The following SSBP3 variants were observed in gnomAD, a reference collection of about 807,000 sequenced individuals.
SSBP3 encodes single stranded DNA binding protein 3.
SSBP3 carries 5 observed loss-of-function variants against 69.6 expected under a neutral mutation model. The observed-to-expected ratio is 0.07, with a 90% CI of 0.04 to 0.15. The LOEUF is 0.15. Ranked by LOEUF, SSBP3 falls within the 10% of genes least tolerant of loss-of-function variation. The probability of loss-of-function intolerance (pLI) is 1.00; values close to 1 mark genes in which losing one functional copy is unlikely to be tolerated. For synonymous variants in SSBP3, 196 were observed against 193.4 expected, an observed-to-expected ratio of 1.01 and a Z score of -0.11; for missense variants, 312 against 534.0, an observed-to-expected ratio of 0.58 and a Z score of 4.10.
chr1:54,385,113 G>A (rs994241978), intron 4 of SSBP3, among the ~76,000 whole-genome samples: 2 of 152,192 alleles, frequency 1.3e-5, no homozygotes, highest in Non-Finnish European at 2.9e-5. Context: ...ATCCCTAGAT[G>A]AGGCCTGAGC....
chr1:54,407,582 T>C (rs879115068), upstream of SSBP3, among the ~76,000 whole-genome samples: 1 of 151,730 alleles, frequency 6.6e-6, no homozygotes, highest in Non-Finnish European at 1.5e-5. Flanking sequence ...AGGGGAAGGC[T>C]CCCCCATTTT....
chr1:54,253,434 C>T (rs1028590248), intron 7 of SSBP3, among the ~76,000 whole-genome samples: 1 of 152,064 alleles, frequency 6.6e-6, no homozygotes, highest in Non-Finnish European at 1.5e-5. Context: ...TCAAGTGATC[C>T]TCCTGCCTCA....
intron 9 of SSBP3, among the ~76,000 whole-genome samples, chr1:54,249,008 G>T (rs530509809): frequency 6.6e-6 from 1 of 152,264 alleles, no homozygotes; most frequent in Admixed American, 6.5e-5. Flanking sequence ...TCTACCCCTT[G>T]TACACTGCTT....
chr1:54,277,677 CAAG>C (rs745735044), intron 5 of SSBP3, among the ~76,000 whole-genome samples: 3 of 152,176 alleles, frequency 2.0e-5, no homozygotes, highest in South Asian at 2.1e-4. Context: ...AAAAACAAAA[CAAG>C]AAGAAAAACA....
At chr1:54,333,981 A>T (rs1184563754) in intron 4 of SSBP3, among the ~76,000 whole-genome samples, 4 of 152,226 alleles carry the variant, frequency 2.6e-5, no homozygotes, top group African/African-American at 9.6e-5. Context: ...ACTTGAGCCC[A>T]GGAGTTTGAG....
intron 4 of SSBP3, among the ~76,000 whole-genome samples, chr1:54,316,805 T>C (rs887435807): frequency 1.3e-5 from 2 of 152,144 alleles, no homozygotes; most frequent in Admixed American, 6.5e-5. Context: ...TAGAAATGTA[T>C]TGCTCACAGT....
chr1:54,354,200 T>C (rs948254105), intron 4 of SSBP3, among the ~76,000 whole-genome samples: 1 of 152,256 alleles, frequency 6.6e-6, no homozygotes, highest in African/African-American at 2.4e-5. Flanking sequence ...CTGTCTGCTC[T>C]GCTTTCTGCA....
intron 4 of SSBP3, among the ~76,000 whole-genome samples, 178 bp downstream of exon 4, chr1:54,401,683 A>G (rs1649313558): frequency 6.6e-6 from 1 of 152,210 alleles, no homozygotes; most frequent in Admixed American, 6.5e-5. Flanking sequence ...ACCAAGTTAG[A>G]ACACTGCTGG....
chr1:54,302,265 CA>C (rs1645816435), intron 4 of SSBP3, among the ~76,000 whole-genome samples: 1 of 151,834 alleles, frequency 6.6e-6, no homozygotes, highest in Admixed American at 6.6e-5. Context: ...CAAGGCTGTG[CA>C]AAATGTATTC....
chr1:54,349,717 C>CAA (rs5774184), intron 4 of SSBP3, among the ~76,000 whole-genome samples: 267 of 138,792 alleles, frequency 1.9e-3, no homozygotes, highest in African/African-American at 5.1e-3. Flanking sequence ...GTGGATGGGC[C>CAA]AAAAAAAAAA....
chr1:54,269,550 T>G (rs3766426), intron 5 of SSBP3, among the ~76,000 whole-genome samples: 67,321 of 151,802 alleles, frequency 0.44, 15,421 homozygotes, highest in African/African-American at 0.54. Flanking sequence ...ATCTAGCGAA[T>G]CGGAACTTAG....
At chr1:54,334,289 T>C (rs1427675558) in intron 4 of SSBP3, among the ~76,000 whole-genome samples, 1 of 145,206 alleles carries the variant, frequency 6.9e-6, no homozygotes, top group Non-Finnish European at 1.5e-5. Flanking sequence ...GAGGCGGAGG[T>C]TGAAGTGAGC....
rs748912319 is a variant in SSBP3 at position 54,304,714 on chromosome 1, AG to A, written c.277-23188del. Among the ~76,000 whole-genome samples, 4 of 152,190 alleles carry A rather than the reference AG, an allele frequency of 2.6e-5. No homozygotes were observed. The East Asian group carries it at 5.8e-4, about 22-fold the overall frequency. ...AGACCCCAGAATGTTTTGCTAGACA[AG>A]GAACACTGCTGGTGCAAGGCTGAGG... On this transcript the variant is annotated intron_variant, in intron 4 of 17. Transcript: ENST00000610401.
intron 4 of SSBP3, among the ~76,000 whole-genome samples, chr1:54,378,015 A>G (rs1358018920): frequency 1.3e-5 from 2 of 152,130 alleles, no homozygotes; most frequent in East Asian, 1.9e-4. Context: ...CGGCCTCAAC[A>G]CAGCACAAAT....
intron 4 of SSBP3, among the ~76,000 whole-genome samples, chr1:54,368,272 GA>G (rs1393236093): frequency 8.3e-6 from 1 of 120,768 alleles, no homozygotes; most frequent in East Asian, 2.5e-4. Context: ...CACTCCAGCA[GA>G]ACGAGACTCC....
intron 4 of SSBP3, among the ~76,000 whole-genome samples, chr1:54,306,153 A>ACTATCCC (rs1645897431): frequency 6.6e-6 from 1 of 151,884 alleles, no homozygotes; most frequent in Non-Finnish European, 1.5e-5. Context: ...AAGCACCCCT[A>ACTATCCC]CTATCCCCTA....
intron 3 of SSBP3, 123 bp downstream of exon 3, chr1:54,404,453 C>G: frequency 8.3e-7 from 1 of 1,205,494 alleles, no homozygotes; most frequent in Non-Finnish European, 1.2e-6. Context: ...CGAGGTGCCC[C>G]GCTCTGTGCA....
chr1:54,228,261 G>T, exon 17 of SSBP3: 7 of 1,613,980 alleles, frequency 4.3e-6, no homozygotes, highest in Non-Finnish European at 5.9e-6. Context: ...TTACATTGTC[G>T]TTCTGAAAGG....
At chr1:54,336,982 A>G (rs1358404679) in intron 4 of SSBP3, among the ~76,000 whole-genome samples, 1 of 152,212 alleles carries the variant, frequency 6.6e-6, no homozygotes, top group Non-Finnish European at 1.5e-5. Context: ...AGGAATGCAC[A>G]CAGAGGTGGA....
Sources: allele counts gnomAD v4.1 joint callset (sites outside exome capture counted in the v4.1 genomes callset), GRCh38; gene constraint gnomAD v4.1.1; transcripts MANE v1.5; gene names NCBI Gene and HGNC (gene_info 2026-07-23, HGNC 2026-07-21).